The following RASSF8 variants were observed in gnomAD, a reference collection of about 807,000 sequenced individuals.
RASSF8 encodes the protein ras association domain-containing protein 8.
Under a neutral mutation model 48.5 loss-of-function variants are expected in RASSF8, and 22 were observed. The ratio of observed to expected loss-of-function variants is 0.45; its 90% confidence interval spans 0.32 to 0.65. RASSF8 has a LOEUF of 0.65. Ranked by LOEUF, RASSF8 falls within the 30% of genes least tolerant of loss-of-function variation. The pLI is 0.03. For synonymous variants in RASSF8, 127 were observed against 171.5 expected (o/e 0.74, Z 2.03); for missense variants, 418 against 489.2 (o/e 0.85, Z 1.37).
At position 25,970,097 on chromosome 12, in the gene RASSF8, CT is replaced by C. The variant is rs1035793774; in HGVS notation, c.-203+10963del. 2.1e-3 allele frequency among the ~76,000 whole-genome samples: 298 copies of C among 142,654 alleles called. 1 individual carries two copies. The highest frequency in any genetic ancestry group is 4.5e-3 in the South Asian group (20 of 4,470). 93.6% of individuals were successfully genotyped at this position (142,654 alleles called of 152,430 possible). A position where few individuals can be genotyped will look rare whatever the true frequency, so the allele number is the denominator to read the frequency against. On this transcript the variant is annotated intron_variant, in intron 1 of 5. Transcript: ENST00000689635. ...CTCTCTTTCTTCCTGTACGACCCCA[CT>C]TTTTTTTTTTTTTGGTGAGAGGTTG...
rs75633728 is a variant in RASSF8 at position 25,986,039 on chromosome 12, T to C, written c.-202-8998T>C. ...CCCACAGGGCTATAAAAGTGAAGTG[T>C]TTGGTGAAGTTTTTTTCTATGCTGG... is the stretch of plus-strand genomic sequence containing the variant. On this transcript the variant is annotated intron_variant, in intron 1 of 5. Transcript: ENST00000689635. Among the ~76,000 whole-genome samples the C allele has an allele frequency of 1.8e-3, 272 of 152,232 alleles. 8 individuals are homozygous for C. The East Asian group carries it at 0.044, about 25-fold the overall frequency.
chr12:26,007,287 C>A (rs955020575), intron 2 of RASSF8, among the ~76,000 whole-genome samples: 1 of 152,162 alleles, frequency 6.6e-6, no homozygotes, highest in African/African-American at 2.4e-5. Flanking sequence ...TAACACCAGA[C>A]TGGAGGAAGT....
chr12:26,005,129 C>T (rs938252336), intron 2 of RASSF8, among the ~76,000 whole-genome samples: 4 of 151,498 alleles, frequency 2.6e-5, no homozygotes, highest in Admixed American at 6.6e-5. Context: ...GTACATATAA[C>T]GTGTATTTGT....
intron 2 of RASSF8, among the ~76,000 whole-genome samples, chr12:26,010,867 A>AT (rs1157714467): frequency 6.6e-6 from 1 of 151,988 alleles, no homozygotes; most frequent in Non-Finnish European, 1.5e-5. Flanking sequence ...TAGAAAGGAG[A>AT]TAAAAGAGGG....
At chr12:26,029,196 C>T (rs1466599722) in intron 2 of RASSF8, among the ~76,000 whole-genome samples, 1 of 152,202 alleles carries the variant, frequency 6.6e-6, no homozygotes, top group Non-Finnish European at 1.5e-5. Context: ...TCACTTTAGC[C>T]TCTCAGGCTG....
Position 25,976,939 on chromosome 12 carries a change from C to T in RASSF8, c.-203+17791C>T, listed in dbSNP as rs568404944. 2.6e-5 allele frequency among the ~76,000 whole-genome samples: 4 copies of T among 152,290 alleles called. 1 individual carries two copies. The highest frequency in any genetic ancestry group is 4.1e-4 in the South Asian group (2 of 4,828). ...GTGAATTTAGCCTATAATTCTAAGA[C>T]GTTTCCCTGGTCCACAGTTTATCCC... On this transcript the variant is annotated intron_variant, in intron 1 of 5. Transcript: ENST00000689635.
chr12:26,049,886 C>T (rs1182745800), intron 2 of RASSF8, among the ~76,000 whole-genome samples: 1 of 152,220 alleles, frequency 6.6e-6, no homozygotes, highest in East Asian at 1.9e-4. Flanking sequence ...CAGGTTCACA[C>T]CATTCTCCTG....
At chr12:25,972,356 T>A (rs1466159781) in intron 1 of RASSF8, among the ~76,000 whole-genome samples, 1 of 152,026 alleles carries the variant, frequency 6.6e-6, no homozygotes, top group African/African-American at 2.4e-5. Context: ...ATAAATATTA[T>A]ATAAGCTATA....
chr12:26,043,824 C>T (rs1943316883), intron 2 of RASSF8, among the ~76,000 whole-genome samples: 1 of 152,136 alleles, frequency 6.6e-6, no homozygotes, highest in Non-Finnish European at 1.5e-5. Context: ...AACCAGACAA[C>T]ATTACATATG....
chr12:26,064,354 A>G (rs1565645585), intron 3 of RASSF8, 144 bp from the exon 4 acceptor site: 12 of 699,434 alleles, frequency 1.7e-5, no homozygotes, highest in Non-Finnish European at 2.7e-5. Context: ...CTTCAAGTAA[A>G]GGTTTTAAAG....
downstream of RASSF8, among the ~76,000 whole-genome samples, chr12:26,073,170 T>G (rs1944033228): frequency 6.6e-6 from 1 of 152,206 alleles, no homozygotes; most frequent in Non-Finnish European, 1.5e-5. Flanking sequence ...CAGTCCCTAC[T>G]ACGTGCCAAG....
Position 26,069,060 on chromosome 12 carries a change from G to T in RASSF8, c.*242G>T. On this transcript the variant is annotated 3_prime_UTR_variant, in exon 6 of 6. Coordinates refer to ENST00000689635, the MANE Select transcript of RASSF8 (RefSeq NM_001394098.1). ...CCAGCAGCTATAATGCAAAGCCTTCGTTTTTATTTGTAGCATTTTGAGAGC... is the reference window on the plus strand; with the variant it reads ...CCAGCAGCTATAATGCAAAGCCTTCTTTTTTATTTGTAGCATTTTGAGAGC... The T allele has an allele frequency of 8.6e-7, 1 of 1,160,828 alleles. No individual in the cohort carries two copies. Among genetic ancestry groups the T allele is most frequent in the East Asian group, 4.9e-5 (1 of 20,482 alleles). The allele number at this position is 1,160,828 out of a possible 1,614,324, so 71.9% of individuals were successfully genotyped here. A position where few individuals can be genotyped will look rare whatever the true frequency, so the allele number is the denominator to read the frequency against.
intron 1 of RASSF8, among the ~76,000 whole-genome samples, chr12:25,972,285 G>T (rs554458317): frequency 1.1e-4 from 16 of 152,290 alleles, no homozygotes; most frequent in African/African-American, 3.8e-4. Context: ...TTATGAGGAA[G>T]AATGAAGTGG....
chr12:25,973,305 T>C (rs1149805), intron 1 of RASSF8, among the ~76,000 whole-genome samples: 2,789 of 152,188 alleles, frequency 0.018, 100 homozygotes, highest in African/African-American at 0.064. Flanking sequence ...TGAAGGGGAA[T>C]TGAGAAGATA....
downstream of RASSF8, among the ~76,000 whole-genome samples, chr12:26,073,327 A>G (rs1944035075): frequency 6.6e-6 from 1 of 152,218 alleles, no homozygotes; most frequent in Admixed American, 6.5e-5. Flanking sequence ...CATGGTAGAG[A>G]TGCATGAGCT....
chr12:26,036,702 G>GT, intron 2 of RASSF8, among the ~76,000 whole-genome samples: 1 of 152,082 alleles, frequency 6.6e-6, no homozygotes, highest in Middle Eastern at 3.4e-3. Flanking sequence ...GAGGTCAGGA[G>GT]TTCAAGACTA....
chr12:26,009,153 G>C (rs374197295), intron 2 of RASSF8, among the ~76,000 whole-genome samples: 3 of 152,152 alleles, frequency 2.0e-5, no homozygotes, highest in Non-Finnish European at 4.4e-5. Context: ...GCTCACCGAC[G>C]TGTTAGGATA....
intron 2 of RASSF8, among the ~76,000 whole-genome samples, chr12:26,023,723 TA>T (rs1434182585): frequency 6.6e-6 from 1 of 151,968 alleles, no homozygotes; most frequent in African/African-American, 2.4e-5. Context: ...CAAAAGATAG[TA>T]TAGATGTGTG....
chr12:26,046,507 A>G (rs1943375198), intron 2 of RASSF8, among the ~76,000 whole-genome samples: 1 of 152,204 alleles, frequency 6.6e-6, no homozygotes, highest in African/African-American at 2.4e-5. Context: ...TGCCTTGGTG[A>G]CAGCCAAAAA....
Sources: allele counts gnomAD v4.1 joint callset (sites outside exome capture counted in the v4.1 genomes callset), GRCh38; gene constraint gnomAD v4.1.1; transcripts MANE v1.5; gene names NCBI Gene and HGNC (gene_info 2026-07-23, HGNC 2026-07-21).